CLSTN2: variants seen among roughly 807,000 people sequenced by gnomAD.
CLSTN2 encodes the protein calsyntenin 2.
CLSTN2 carries 48 observed loss-of-function variants against 101.2 expected under a neutral mutation model. The ratio of observed to expected loss-of-function variants is 0.47; its 90% CI spans 0.38 to 0.60. The LOEUF (loss-of-function observed/expected upper bound fraction) is 0.60, where lower values mean the gene tolerates loss of function less well. Among genes scored for constraint, CLSTN2 ranks in the 20% least tolerant of loss-of-function variants. The probability of loss-of-function intolerance (pLI) is 0.00; values close to 1 mark genes in which losing one functional copy is unlikely to be tolerated. For missense variants in CLSTN2, 1,160 were observed against 1,238.2 expected, an observed-to-expected ratio of 0.94 and a Z score of 0.95; for synonymous variants, 481 against 463.6, an observed-to-expected ratio of 1.04 and a Z score of -0.48.
chr3:140,468,745 C>A (rs1033718338), intron 8 of CLSTN2, among the ~76,000 whole-genome samples: 1 of 152,158 alleles, frequency 6.6e-6, no homozygotes, highest in East Asian at 1.9e-4. Flanking sequence ...CCAGCTAATT[C>A]GAAATTTTAA....
At chr3:140,077,490 G>A (rs531525331) in intron 1 of CLSTN2, among the ~76,000 whole-genome samples, 4 of 152,192 alleles carry the variant, frequency 2.6e-5, no homozygotes, top group South Asian at 2.1e-4. Flanking sequence ...TTGGTGGTTC[G>A]GTTGCTCAGT....
At chr3:140,469,645 C>T (rs1430205380) in intron 8 of CLSTN2, among the ~76,000 whole-genome samples, 2 of 152,206 alleles carry the variant, frequency 1.3e-5, no homozygotes, top group South Asian at 2.1e-4. Flanking sequence ...ATTTATCCTG[C>T]CTGTCTGCTC....
In CLSTN2 at chr3:140,089,312, T is replaced by C. The variant is rs551333275; in HGVS notation, c.110-86639T>C. The stretch of plus-strand genomic sequence containing the variant: ...TCTTGGAGTTCACCTCTGGCTTCCC[T>C]TCTTGGCCAAGATTCAGATTCACCC... On this transcript the variant is annotated intron_variant, in intron 1 of 16. Coordinates refer to ENST00000458420, the MANE Select transcript of CLSTN2 (RefSeq NM_022131.3). Among the ~76,000 whole-genome samples the C allele has an allele frequency of 1.8e-4, 28 of 152,338 alleles. No homozygotes were observed. The South Asian group carries it at 5.2e-3, about 28-fold the overall frequency.
In CLSTN2 at chr3:140,174,176, A is replaced by T. The variant is rs139612434; in HGVS notation, c.110-1775A>T. Among the ~76,000 whole-genome samples the T allele has an allele frequency of 6.2e-4, 95 of 152,262 alleles. No homozygotes were observed. The East Asian group carries it at 0.016, about 26-fold the overall frequency. ...GCTGCTTAGAAATTTCTTCCACCAG[A>T]TACCCTAAATCATCTCTCTCAAGTT... On this transcript the variant is annotated intron_variant, in intron 1 of 16. Coordinates refer to ENST00000458420, the MANE Select transcript of CLSTN2 (RefSeq NM_022131.3).
intron 10 of CLSTN2, among the ~76,000 whole-genome samples, chr3:140,547,158 C>A (rs1323837366): frequency 6.6e-6 from 1 of 152,192 alleles, no homozygotes; most frequent in Non-Finnish European, 1.5e-5. Context: ...TTCTGTCTTA[C>A]ATTGTCACTT....
Position 140,448,521 on chromosome 3 carries a change from T to G in CLSTN2, c.790T>G (p.Trp264Gly). 1 of 1,612,150 alleles carries G rather than the reference T, an allele frequency of 6.2e-7. No homozygotes were observed. The highest frequency in any genetic ancestry group is 8.5e-7 in the Non-Finnish European group (1 of 1,178,476). Residue 264 changes from tryptophan to glycine, a missense_variant and splice_region_variant, in exon 6 of 17, where the codon TGG (tryptophan) becomes GGG (glycine). Transcript: ENST00000458420. ...TCATCCTTTCCTTGTTTGTTTAGAC[T>G]GGACCAAGAGGATTGAGTACCAGCC... ...KPVCKPGWQDWTKRIEYQPGS... is the reference protein window; with the variant it reads ...KPVCKPGWQDGTKRIEYQPGS...
chr3:140,397,571 G>T (rs911887007), intron 2 of CLSTN2, among the ~76,000 whole-genome samples: 1 of 152,170 alleles, frequency 6.6e-6, no homozygotes, highest in Non-Finnish European at 1.5e-5. Context: ...GACACCTTCA[G>T]TGTCTTTTGA....
chr3:140,420,686 C>T (rs1235016583), intron 4 of CLSTN2, among the ~76,000 whole-genome samples: 2 of 152,134 alleles, frequency 1.3e-5, no homozygotes, highest in African/African-American at 2.4e-5. Flanking sequence ...ACATTCCTGG[C>T]GACAAGCCCA....
intron 2 of CLSTN2, among the ~76,000 whole-genome samples, chr3:140,185,647 T>G (rs1004401496): frequency 6.6e-6 from 1 of 150,956 alleles, no homozygotes; most frequent in African/African-American, 2.4e-5. Flanking sequence ...GCTTCCTGTT[T>G]GAATGCTGAG....
chr3:140,522,654 C>T (rs1222589387), intron 8 of CLSTN2, among the ~76,000 whole-genome samples: 1 of 152,224 alleles, frequency 6.6e-6, no homozygotes, highest in East Asian at 1.9e-4. Flanking sequence ...CACCTCCAGC[C>T]ACACATCTTT....
intron 8 of CLSTN2, among the ~76,000 whole-genome samples, chr3:140,523,159 T>C (rs191912640): frequency 3.3e-5 from 5 of 152,274 alleles, no homozygotes; most frequent in Admixed American, 2.0e-4. Context: ...GGCGTCTAAC[T>C]TCTCGGAGGT....
intron 2 of CLSTN2, among the ~76,000 whole-genome samples, chr3:140,372,560 C>T (rs1464536270): frequency 6.6e-6 from 1 of 152,114 alleles, no homozygotes; most frequent in Non-Finnish European, 1.5e-5. Flanking sequence ...CCCCTGAATC[C>T]TTGAGATTCT....
intron 16 of CLSTN2, among the ~76,000 whole-genome samples, chr3:140,565,321 A>C (rs79838173): frequency 0.058 from 8,807 of 152,302 alleles, 316 homozygotes; most frequent in Non-Finnish European, 0.085. Context: ...GAGGTAAAAG[A>C]CAATTCCTAA....
Position 140,161,412 on chromosome 3 carries a change from A to G in CLSTN2, c.110-14539A>G, listed in dbSNP as rs80002927. 1.2e-3 allele frequency among the ~76,000 whole-genome samples: 186 copies of G among 152,306 alleles called. 1 individual carries two copies. Among genetic ancestry groups the G allele is most frequent in the East Asian group, 6.4e-3 (33 of 5,182 alleles). On this transcript the variant is annotated intron_variant, in intron 1 of 16. Coordinates refer to ENST00000458420, the MANE Select transcript of CLSTN2 (RefSeq NM_022131.3). ...GATATAAAGACTGTGATTTCAGACA[A>G]TTATTCTCCTGACAGCATGCACTCA...
chr3:140,171,828 A>ATAT (rs2010237967), intron 1 of CLSTN2, among the ~76,000 whole-genome samples: 7 of 97,934 alleles, frequency 7.1e-5, no homozygotes, highest in Admixed American at 4.1e-4. Flanking sequence ...TATTATATAT[A>ATAT]ATAACAATAT....
At chr3:140,110,184 ATAT>A (rs1218402495) in intron 1 of CLSTN2, among the ~76,000 whole-genome samples, 1 of 152,212 alleles carries the variant, frequency 6.6e-6, no homozygotes, top group Non-Finnish European at 1.5e-5. Flanking sequence ...TTTGAGGCAC[ATAT>A]TATTTAGATG....
At chr3:140,234,638 G>A (rs548667554) in intron 2 of CLSTN2, among the ~76,000 whole-genome samples, 18 of 152,272 alleles carry the variant, frequency 1.2e-4, no homozygotes, top group Non-Finnish European at 2.4e-4. Context: ...ATCACAGCCA[G>A]ATTCCTAATG....
At chr3:140,406,366 A>T (rs1287964845) in intron 4 of CLSTN2, among the ~76,000 whole-genome samples, 1 of 152,186 alleles carries the variant, frequency 6.6e-6, no homozygotes, top group Non-Finnish European at 1.5e-5. Context: ...AGACAGAAAA[A>T]AATAATAATA....
intron 2 of CLSTN2, among the ~76,000 whole-genome samples, chr3:140,346,771 A>G (rs1395815269): frequency 6.6e-6 from 1 of 152,132 alleles, no homozygotes; most frequent in East Asian, 1.9e-4. Context: ...GATAATAACA[A>G]CCTTGAAGGT....
Sources: gnomAD v4.1 joint callset for allele counts (sites outside exome capture counted in the v4.1 genomes callset) on GRCh38, gnomAD v4.1.1 for gene constraint, MANE v1.5 for transcripts, NCBI Gene and HGNC (gene_info 2026-07-23, HGNC 2026-07-21) for gene names.